PCDHGA9: variants seen among roughly 807,000 people sequenced by gnomAD.
The protein encoded by PCDHGA9 is protocadherin gamma subfamily A, 9.
Under a neutral mutation model 62.5 loss-of-function variants are expected in PCDHGA9, and 37 were observed. The ratio of observed to expected loss-of-function variants is 0.59; its 90% CI spans 0.46 to 0.78. The LOEUF (loss-of-function observed/expected upper bound fraction) is 0.78, where lower values mean the gene tolerates loss of function less well. PCDHGA9 is among the 30% of genes least tolerant of loss of function. PCDHGA9 has a pLI of 0.00. For synonymous variants in PCDHGA9, 459 were observed against 484.6 expected, an observed-to-expected ratio of 0.95 and a Z score of 0.69; for missense variants, 1,138 against 1,166.2, an observed-to-expected ratio of 0.98 and a Z score of 0.35.
At position 141,467,151 on chromosome 5, in the gene PCDHGA9, C is replaced by T. The variant is rs527879624; in HGVS notation, c.2425-27656C>T. ...CACTGCAACCTCTGCCTCCCAGGTT[C>T]AAGTGATTCTCATCTCTCAGCCTCC... is the stretch of plus-strand genomic sequence containing the variant. On this transcript the variant is annotated intron_variant, in intron 1 of 3. Transcript: ENST00000573521. Among the ~76,000 whole-genome samples the T allele has an allele frequency of 4.0e-5, 6 of 151,660 alleles. No homozygotes were observed. In the East Asian group the frequency reaches 7.8e-4, roughly 20 times the overall value.
intron 1 of PCDHGA9, chr5:141,415,325 C>G: frequency 6.2e-7 from 1 of 1,614,212 alleles, no homozygotes; most frequent in Non-Finnish European, 8.5e-7. Flanking sequence ...GTGCTGCTGG[C>G]GCACAGGCTG....
intron 1 of PCDHGA9, chr5:141,421,253 A>G: frequency 6.2e-7 from 1 of 1,607,298 alleles, no homozygotes; most frequent in South Asian, 1.1e-5. Context: ...CAGCGCGGGG[A>G]CCGCAGTCGG....
chr5:141,444,467 G>C (rs1288596542), intron 1 of PCDHGA9, among the ~76,000 whole-genome samples: 2 of 151,998 alleles, frequency 1.3e-5, no homozygotes, highest in Admixed American at 6.6e-5. Flanking sequence ...CACTGCGCCC[G>C]GTCGCGTACT....
intron 1 of PCDHGA9, among the ~76,000 whole-genome samples, chr5:141,446,150 A>G (rs754792549): frequency 6.6e-6 from 1 of 152,216 alleles, no homozygotes; most frequent in Non-Finnish European, 1.5e-5. Flanking sequence ...GAATAGGTGG[A>G]ATATAAATTT....
chr5:141,465,858 C>T (rs2099110865), intron 1 of PCDHGA9, among the ~76,000 whole-genome samples: 1 of 152,034 alleles, frequency 6.6e-6, no homozygotes, highest in African/African-American at 2.4e-5. Context: ...CCCAGTGGCT[C>T]ATGCCTGTAA....
At chr5:141,418,572 A>AC (rs752316020) in intron 1 of PCDHGA9, 2 of 1,613,794 alleles carry the variant, frequency 1.2e-6, no homozygotes, top group African/African-American at 1.3e-5. Context: ...GCCAATGACA[A>AC]CCCCCCAGTG....
At chr5:141,428,164 T>C (rs1221973020) in intron 1 of PCDHGA9, 1 of 1,564,976 alleles carries the variant, frequency 6.4e-7, no homozygotes, top group South Asian at 1.1e-5. Flanking sequence ...TGCTGGTTGC[T>C]GTGCGTGACG....
intron 1 of PCDHGA9, chr5:141,408,394 C>T: frequency 6.2e-7 from 1 of 1,614,034 alleles, no homozygotes; most frequent in Non-Finnish European, 8.5e-7. Flanking sequence ...TGTCGGCTCG[C>T]AAGCTGCGAG....
At chr5:141,496,734 G>A (rs527288196) in intron 2 of PCDHGA9, among the ~76,000 whole-genome samples, 4 of 152,066 alleles carry the variant, frequency 2.6e-5, no homozygotes, top group Non-Finnish European at 4.4e-5. Flanking sequence ...GTATTCATTC[G>A]TTCATTTATT....
chr5:141,490,910 A>G lies in PCDHGA9; in HGVS notation c.2425-3897A>G. The G allele has an allele frequency of 1.2e-6, 2 of 1,613,652 alleles. No individual in the cohort carries two copies. Among genetic ancestry groups the G allele is most frequent in the African/African-American group, 1.3e-5 (1 of 75,048 alleles). ...TCTCTGCATGTGTTTGTCCTAGACG[A>G]GAATGATAATGCCCCAGCTGTGCTG... On this transcript the variant is annotated intron_variant, in intron 1 of 3. Transcript: ENST00000573521. This position sits in a 1 kb window ranked among gnomAD's most constrained non-coding sequence, Gnocchi z 5.4.
At chr5:141,478,163 C>T (rs779617960) in intron 1 of PCDHGA9, 1 of 1,614,028 alleles carries the variant, frequency 6.2e-7, no homozygotes, top group Non-Finnish European at 8.5e-7. Context: ...TGGCTCTGCC[C>T]CCCGGGAGCA....
At chr5:141,481,822 G>A (rs1017311512) in intron 1 of PCDHGA9, among the ~76,000 whole-genome samples, 12 of 151,620 alleles carry the variant, frequency 7.9e-5, no homozygotes, top group Non-Finnish European at 1.5e-4. Context: ...CGTGGTGGCT[G>A]AGGCAGGAGA....
intron 1 of PCDHGA9, among the ~76,000 whole-genome samples, chr5:141,482,089 CA>C (rs36035257): frequency 0.43 from 58,297 of 134,322 alleles, 12,050 homozygotes; most frequent in African/African-American, 0.53. Context: ...CACTCCATCT[CA>C]AAAAAAAAAA....
At chr5:141,473,635 C>A (rs945632106) in intron 1 of PCDHGA9, among the ~76,000 whole-genome samples, 1 of 152,128 alleles carries the variant, frequency 6.6e-6, no homozygotes, top group African/African-American at 2.4e-5. Flanking sequence ...AGCAGCTTTC[C>A]TGGCAAAGGA....
chr5:141,450,823 A>ATT (rs1453980247), intron 1 of PCDHGA9, among the ~76,000 whole-genome samples: 2 of 133,076 alleles, frequency 1.5e-5, no homozygotes, highest in East Asian at 2.2e-4. Flanking sequence ...TAATATTATT[A>ATT]TTATTATTTT....
In PCDHGA9 at chr5:141,421,081, A is replaced by C. The variant is rs775366249; in HGVS notation, c.2424+15705A>C. 61 of 637,820 alleles carry C rather than the reference A, an allele frequency of 9.6e-5. 1 individual carries two copies. The Middle Eastern group carries it at 2.9e-3, about 31-fold the overall frequency. The allele number at this position is 637,820 out of a possible 1,614,324, so 39.5% of individuals were successfully genotyped here. ...ACAAAGCGGAATGAGATGGATACTCACAGATCCTGACACTGGAGACTTAGA... is the reference window on the plus strand; with the variant it reads ...ACAAAGCGGAATGAGATGGATACTCCCAGATCCTGACACTGGAGACTTAGA... On this transcript the variant is annotated intron_variant, in intron 1 of 3. Coordinates refer to ENST00000573521, the MANE Select transcript of PCDHGA9 (RefSeq NM_018921.3).
At position 141,490,597 on chromosome 5, in the gene PCDHGA9, C is replaced by G. The variant is rs781077720; in HGVS notation, c.2425-4210C>G. 1 of 1,614,182 alleles carries G rather than the reference C, an allele frequency of 6.2e-7. No homozygotes were observed. On this transcript the variant is annotated intron_variant, in intron 1 of 3. Transcript: ENST00000573521. This position sits in a 1 kb window ranked among gnomAD's most constrained non-coding sequence, Gnocchi z 5.4. ...TTCAGATGTCAATGACAATGCACCC[C>G]GCTTCAACCAGCAGCTTTACACTGC...
At chr5:141,414,802 G>C (rs201378410) in intron 1 of PCDHGA9, 3 of 1,614,108 alleles carry the variant, frequency 1.9e-6, no homozygotes, top group Admixed American at 3.3e-5. Flanking sequence ...CGACAGCGGG[G>C]ATCCTCCACT....
At position 141,432,950 on chromosome 5, in the gene PCDHGA9, G is replaced by A. The variant is rs750033444; in HGVS notation, c.2424+27574G>A. 9.9e-6 allele frequency: 16 copies of A among 1,614,190 alleles called. No individual in the cohort carries two copies. The highest frequency in any genetic ancestry group is 1.3e-5 in the African/African-American group (1 of 75,060). ...ACGCCTGCTGCAGGCTTCAGGAGGC[G>A]GCTTGACAGGAGCGCCGGCGTCGCA... is the stretch of plus-strand genomic sequence containing the variant. On this transcript the variant is annotated intron_variant, in intron 1 of 3. Coordinates refer to ENST00000573521, the MANE Select transcript of PCDHGA9 (RefSeq NM_018921.3). This position sits in a 1 kb window ranked among gnomAD's most constrained non-coding sequence, Gnocchi z 6.0.
Sources: allele counts gnomAD v4.1 joint callset (sites outside exome capture counted in the v4.1 genomes callset), GRCh38; gene constraint gnomAD v4.1.1; non-coding constraint Gnocchi (gnomAD v3.1); transcripts MANE v1.5; gene names NCBI Gene and HGNC (gene_info 2026-07-23, HGNC 2026-07-21).